Variants in LAMA4 observed in about 807,000 individuals in gnomAD.
LAMA4 encodes the protein laminin subunit alpha 4, also known as laminin subunit alpha-4.
LAMA4 carries 127 observed loss-of-function variants against 207.1 expected under a neutral mutation model. The ratio of observed to expected loss-of-function variants is 0.61; its 90% CI spans 0.53 to 0.71. The LOEUF (loss-of-function observed/expected upper bound fraction) is 0.71. Among genes scored for constraint, LAMA4 ranks in the 30% least tolerant of loss-of-function variants. The pLI is 0.00. For synonymous variants in LAMA4, 761 were observed against 816.0 expected (o/e 0.93, Z 1.15); for missense variants, 2,093 against 2,246.5 (o/e 0.93, Z 1.38).
At chr6:112,227,169 T>G (rs1554362812) in intron 2 of LAMA4, among the ~76,000 whole-genome samples, 1 of 151,958 alleles carries the variant, frequency 6.6e-6, no homozygotes, top group Admixed American at 6.6e-5. Flanking sequence ...CCTTCCAGAT[T>G]CAAGCAATTG....
intron 22 of LAMA4, 88 bp from the exon 23 acceptor site, chr6:112,139,973 C>CTCCTTG: frequency 7.7e-7 from 1 of 1,291,186 alleles, no homozygotes; most frequent in Non-Finnish European, 1.1e-6. Context: ...AATAGTAGGT[C>CTCCTTG]AAGGAGACCT....
At chr6:112,166,809 G>A (rs568726212) in intron 12 of LAMA4, among the ~76,000 whole-genome samples, 332 of 152,262 alleles carry the variant, frequency 2.2e-3, no homozygotes, top group Non-Finnish European at 2.9e-3. Context: ...TGATAATTAT[G>A]AAAATGACAC....
At chr6:112,114,497 CAT>C (rs1180877210) in intron 37 of LAMA4, among the ~76,000 whole-genome samples, 164 bp downstream of exon 37, 1 of 152,132 alleles carries the variant, frequency 6.6e-6, no homozygotes, top group Non-Finnish European at 1.5e-5. Flanking sequence ...TTTGAAATCA[CAT>C]GTGGATTCAG....
chr6:112,192,387 C>T (rs1583851240), intron 5 of LAMA4, among the ~76,000 whole-genome samples: 1 of 152,200 alleles, frequency 6.6e-6, no homozygotes, highest in African/African-American at 2.4e-5. Flanking sequence ...CATGGGGTGG[C>T]ATTCTCTCCA....
intron 2 of LAMA4, among the ~76,000 whole-genome samples, chr6:112,227,801 T>C (rs1307378246): frequency 2.0e-5 from 3 of 152,228 alleles, no homozygotes; most frequent in African/African-American, 7.2e-5. Flanking sequence ...GGTTCTTCTA[T>C]AATATTTGAG....
intron 17 of LAMA4, among the ~76,000 whole-genome samples, chr6:112,149,219 T>G (rs1203556088): frequency 6.6e-6 from 1 of 152,074 alleles, no homozygotes; most frequent in African/African-American, 2.4e-5. Context: ...TGATAAATGC[T>G]AGTTTCAATC....
At chr6:112,235,862 A>G (rs1785882258) in intron 2 of LAMA4, among the ~76,000 whole-genome samples, 1 of 152,252 alleles carries the variant, frequency 6.6e-6, no homozygotes, top group South Asian at 2.1e-4. Context: ...AATGCTTGAA[A>G]TGAAAGAAAT....
At chr6:112,175,270 G>A (rs1562695062) in intron 11 of LAMA4, 43 bp downstream of exon 11, 1 of 1,601,100 alleles carries the variant, frequency 6.2e-7, no homozygotes, top group East Asian at 2.2e-5. Context: ...CCCACAAAGA[G>A]GGCAAACATG....
chr6:112,159,098 C>T (rs963478312), intron 13 of LAMA4: 1 of 537,446 alleles, frequency 1.9e-6, no homozygotes, highest in Non-Finnish European at 3.3e-6. Flanking sequence ...GCATTCACAA[C>T]CCAGAAATGC....
At chr6:112,135,940 C>A in intron 25 of LAMA4, 183 bp downstream of exon 25, 1 of 555,788 alleles carries the variant, frequency 1.8e-6, no homozygotes, top group Non-Finnish European at 3.2e-6. Context: ...AAAAATACAT[C>A]CAATGTTTTA....
rs35776093 is a variant in LAMA4 at position 112,159,164 on chromosome 6, CAT to C, written c.1669-286_1669-285del. The C allele has an allele frequency of 0.096, 40,140 of 417,590 alleles. 2,445 individuals are homozygous for C. The highest frequency in any genetic ancestry group is 0.19 in the South Asian group (7,951 of 41,696). The allele number at this position is 417,590 out of a possible 1,614,324, so 25.9% of individuals were successfully genotyped here. ...AAACTAAAACCTTCAATTATCCACACATGTCCCTAATGTTACTACAATACTTT... is the reference window on the plus strand; with the variant it reads ...AAACTAAAACCTTCAATTATCCACACGTCCCTAATGTTACTACAATACTTT... On this transcript the variant is annotated intron_variant, in intron 13 of 38. Coordinates refer to ENST00000230538, the MANE Select transcript of LAMA4 (RefSeq NM_001105206.3).
intron 2 of LAMA4, among the ~76,000 whole-genome samples, chr6:112,242,803 T>C (rs970549986): frequency 3.9e-5 from 6 of 152,254 alleles, no homozygotes; most frequent in African/African-American, 1.4e-4. Context: ...TTTACATTGT[T>C]ATTAAGATTT....
chr6:112,140,639 T>TC (rs1779633451), intron 22 of LAMA4, 121 bp downstream of exon 22: 2 of 853,794 alleles, frequency 2.3e-6, no homozygotes, highest in Non-Finnish European at 3.9e-6. Flanking sequence ...AGAATTCTAC[T>TC]CCCCCATGAA....
At chr6:112,186,156 G>A (rs1330037343) in intron 8 of LAMA4, among the ~76,000 whole-genome samples, 2 of 152,228 alleles carry the variant, frequency 1.3e-5, no homozygotes, top group Admixed American at 6.5e-5. Flanking sequence ...AAAGCAATGA[G>A]TACTTAGTAT....
At chr6:112,225,121 A>G (rs1469059267) in intron 2 of LAMA4, among the ~76,000 whole-genome samples, 7 of 151,806 alleles carry the variant, frequency 4.6e-5, no homozygotes, top group African/African-American at 1.5e-4. Context: ...CCCTCCCCCA[A>G]TTTTATCCTC....
In LAMA4 at chr6:112,130,028, T is replaced by C. The variant is rs2114640839; in HGVS notation, c.3981A>G (p.Ile1327Met). The C allele has an allele frequency of 1.9e-6, 3 of 1,612,832 alleles. No homozygotes were observed. Among genetic ancestry groups the C allele is most frequent in the East Asian group, 2.2e-5 (1 of 44,848 alleles). ...TACTCCCAACTCTGCTTTTATCTAC[T>C]ATCAGTTCATATCTGCAAAAGAAAA... ...SSVSPTRYEL[I>M]VDKSRVGSKN... The change falls in exon 30 of 39, where the codon ATA becomes ATG. Residue 1327 changes from isoleucine to methionine, a missense_variant. Around this residue, in one of 3 missense-constraint regions of LAMA4, gnomAD observed 1,704 missense variants for 1,788.4 expected, o/e 0.95. Coordinates refer to ENST00000230538, the MANE Select transcript of LAMA4 (RefSeq NM_001105206.3).
At position 112,254,076 on chromosome 6, in the gene LAMA4, C is replaced by T. The variant is rs1199381387; in HGVS notation, c.75G>A (p.Ala25=). The part of the protein sequence containing the change: ...LLWSAACSRA[A]SGDDNAFPFD... ...AAGGAAAAGCGTTGTCGTCCCCGGA[C>T]GCGGCGCGGGAGCAGGCAGCGCTCC... Residue 25 remains alanine (A), a synonymous_variant, in exon 2 of 39, where the codon GCG becomes GCA. Transcript: ENST00000230538. The T allele has an allele frequency of 1.9e-6, 3 of 1,611,434 alleles. No homozygotes were observed. Among genetic ancestry groups the T allele is most frequent in the Non-Finnish European group, 8.5e-7 (1 of 1,179,298 alleles).
At chr6:112,172,369 G>T in intron 12 of LAMA4, 1 of 495,666 alleles carries the variant, frequency 2.0e-6, no homozygotes, top group South Asian at 2.2e-5. Context: ...CATACACATG[G>T]ACACAAGCAT....
intron 31 of LAMA4, among the ~76,000 whole-genome samples, chr6:112,126,835 A>G (rs576805275): frequency 6.6e-6 from 1 of 152,350 alleles, no homozygotes; most frequent in South Asian, 2.1e-4. Context: ...GATTATATTC[A>G]TTGTTGACAA....
Sources: allele counts gnomAD v4.1 joint callset (sites outside exome capture counted in the v4.1 genomes callset), GRCh38; gene constraint gnomAD v4.1.1; regional missense constraint gnomAD v4.1.1; transcripts MANE v1.5; gene names NCBI Gene and HGNC (gene_info 2026-07-23, HGNC 2026-07-21).